The following NPNT variants were observed in gnomAD, a reference collection of about 807,000 sequenced individuals.
NPNT encodes preosteoblast EGF-like repeat protein with MAM domain.
In NPNT, 45 loss-of-function variants were observed where a neutral mutation model predicts 68.6. The observed-to-expected ratio is 0.66, with a 90% CI of 0.52 to 0.84. The LOEUF (loss-of-function observed/expected upper bound fraction) is 0.84. Among genes scored for constraint, NPNT ranks in the 40% least tolerant of loss-of-function variants. NPNT has a pLI of 0.00. For missense variants in NPNT, 672 were observed against 714.8 expected (o/e 0.94, Z 0.68); for synonymous variants, 233 against 253.3 (o/e 0.92, Z 0.76).
chr4:105,944,811 A>G (rs550728363), intron 8 of NPNT, among the ~76,000 whole-genome samples: 17 of 152,340 alleles, frequency 1.1e-4, no homozygotes, highest in African/African-American at 4.1e-4. Flanking sequence ...AATGCTTTAG[A>G]TGCTTTTTGA....
chr4:105,914,404 ATATAT>A (rs1560896907), intron 2 of NPNT, among the ~76,000 whole-genome samples: 1 of 138,186 alleles, frequency 7.2e-6, no homozygotes, highest in African/African-American at 2.7e-5. Context: ...ATAATATAAT[ATATAT>A]TATATATTAT....
At chr4:105,901,981 G>A (rs528725707) in intron 2 of NPNT, among the ~76,000 whole-genome samples, 2 of 152,068 alleles carry the variant, frequency 1.3e-5, no homozygotes, top group Non-Finnish European at 2.9e-5. Context: ...AAATGAAAAG[G>A]CTATTAGTTT....
At position 105,912,007 on chromosome 4, in the gene NPNT, A is replaced by G. The variant is rs1192125004; in HGVS notation, c.172+14006A>G. The stretch of plus-strand genomic sequence containing the variant: ...TTGTTATGAAATGTTTTTTTATAAC[A>G]AAATGGTGACTAAAATATTACTATT... On this transcript the variant is annotated intron_variant, in intron 2 of 11. Coordinates refer to ENST00000379987, the MANE Select transcript of NPNT (RefSeq NM_001033047.3). 25 of 568,372 alleles carry G rather than the reference A, an allele frequency of 4.4e-5. No individual in the cohort carries two copies. The Admixed American group carries it at 8.3e-4, about 19-fold the overall frequency. The allele number at this position is 568,372 out of a possible 1,614,324, so 35.2% of individuals were successfully genotyped here. A position where few individuals can be genotyped will look rare whatever the true frequency, so the allele number is the denominator to read the frequency against.
intron 2 of NPNT, among the ~76,000 whole-genome samples, chr4:105,901,151 G>A (rs762556637): frequency 2.0e-5 from 3 of 152,056 alleles, no homozygotes; most frequent in Non-Finnish European, 4.4e-5. Flanking sequence ...ACCAAGTGGA[G>A]ACCTCTGTAA....
rs1258802703 is a variant in NPNT, at chr4:105,970,693, T to C, written c.*1703T>C. 1 of 493,096 alleles carries C rather than the reference T, an allele frequency of 2.0e-6. No homozygotes were observed. Among genetic ancestry groups the C allele is most frequent in the Non-Finnish European group, 3.7e-6 (1 of 267,664 alleles). 30.5% of individuals were successfully genotyped at this position (493,096 alleles called of 1,614,324 possible). On this transcript the variant is annotated 3_prime_UTR_variant, in exon 12 of 12. Transcript: ENST00000379987. ...CTCTCTCTCTTTCTAAAAAATTAGA[T>C]AAAAATTTGTCTATTTAAGATGGTT...
intron 2 of NPNT, among the ~76,000 whole-genome samples, chr4:105,901,625 A>G (rs1726424616): frequency 6.6e-6 from 1 of 152,176 alleles, no homozygotes; most frequent in Admixed American, 6.5e-5. Flanking sequence ...GTGAATTAGG[A>G]TGGTTTTGTA....
chr4:105,914,711 G>A (rs998806685), intron 2 of NPNT, among the ~76,000 whole-genome samples: 1 of 151,828 alleles, frequency 6.6e-6, no homozygotes, highest in African/African-American at 2.4e-5. Context: ...ATGGAGTGGT[G>A]ATGGCCCAGC....
chr4:105,963,147 C>A (rs902340432), intron 10 of NPNT, among the ~76,000 whole-genome samples: 1 of 152,088 alleles, frequency 6.6e-6, no homozygotes, highest in Non-Finnish European at 1.5e-5. Flanking sequence ...ATCGCTTGAG[C>A]CTGGGAGGCA....
chr4:105,929,724 A>G (rs1578627698), intron 3 of NPNT: 1 of 152,014 alleles, frequency 6.6e-6, no homozygotes, highest in Non-Finnish European at 1.5e-5. Context: ...TAAAATATAA[A>G]GAAGACGATT....
chr4:105,970,514 G>A lies in NPNT; in HGVS notation c.*1524G>A. The A allele has an allele frequency of 1.5e-6, 1 of 687,634 alleles. No individual in the cohort carries two copies. Among genetic ancestry groups the A allele is most frequent in the East Asian group, 2.7e-5 (1 of 36,596 alleles). The allele number at this position is 687,634 out of a possible 1,614,324, so 42.6% of individuals were successfully genotyped here. ...TTGATGGTTTTCAAGTATATGAAGG[G>A]TTGGCACAGAGAGGGTGGCGACCAG... On this transcript the variant is annotated 3_prime_UTR_variant, in exon 12 of 12. Coordinates refer to ENST00000379987, the MANE Select transcript of NPNT (RefSeq NM_001033047.3).
intron 2 of NPNT, among the ~76,000 whole-genome samples, chr4:105,922,589 G>T (rs1449366579): frequency 1.3e-5 from 2 of 151,754 alleles, no homozygotes; most frequent in African/African-American, 4.8e-5. Context: ...TGTTGGCCAG[G>T]CTGGTCACAA....
intron 2 of NPNT, among the ~76,000 whole-genome samples, chr4:105,918,228 G>A (rs1020193894): frequency 6.6e-6 from 1 of 152,132 alleles, no homozygotes; most frequent in African/African-American, 2.4e-5. Flanking sequence ...CATCATATTA[G>A]TCGAGGCCCA....
At chr4:105,936,872 A>G (rs1329178655) in intron 3 of NPNT, 137 bp from the exon 4 acceptor site, 5 of 817,062 alleles carry the variant, frequency 6.1e-6, no homozygotes, top group African/African-American at 1.8e-5. Context: ...AACAGGATCT[A>G]TCTCTTATGT....
In NPNT at chr4:105,937,320, C is replaced by T. The variant is rs188262525; in HGVS notation, c.385+192C>T. Among the ~76,000 whole-genome samples the T allele has an allele frequency of 4.9e-4, 74 of 151,862 alleles. 1 individual carries two copies. The highest frequency in any genetic ancestry group is 3.3e-3 in the East Asian group (17 of 5,184). On this transcript the variant is annotated intron_variant, in intron 4 of 11. Transcript: ENST00000379987. Reference sequence around the variant, plus strand: ...TTCGATGTATAATACTCTTCTATCACGGGTGCCAATATTAAATTGATTAGG... The same window carrying T: ...TTCGATGTATAATACTCTTCTATCATGGGTGCCAATATTAAATTGATTAGG...
intron 8 of NPNT, among the ~76,000 whole-genome samples, chr4:105,944,722 A>G (rs1018661663): frequency 6.6e-6 from 1 of 152,236 alleles, no homozygotes; most frequent in African/African-American, 2.4e-5. Flanking sequence ...TGCTGCCTTT[A>G]GAAACTCCTG....
intron 2 of NPNT, among the ~76,000 whole-genome samples, chr4:105,915,378 G>A (rs1375586946): frequency 6.6e-6 from 1 of 152,142 alleles, no homozygotes; most frequent in Non-Finnish European, 1.5e-5. Flanking sequence ...TAGGGCAGTG[G>A]CGGGGGGGCA....
At chr4:105,946,853 A>G (rs1730428644) in intron 8 of NPNT, among the ~76,000 whole-genome samples, 1 of 152,190 alleles carries the variant, frequency 6.6e-6, no homozygotes, top group Non-Finnish European at 1.5e-5. Context: ...CTTGATAAAC[A>G]TCTTAAACAA....
At position 105,900,324 on chromosome 4, in the gene NPNT, G is replaced by A. The variant is rs74387486; in HGVS notation, c.172+2323G>A. ...GATCTTCCCAACTTATCCCATAGAA[G>A]GTGTGTTTGTAGGTAGGGAAAGGTG... is the stretch of plus-strand genomic sequence containing the variant. On this transcript the variant is annotated intron_variant, in intron 2 of 11. Transcript: ENST00000379987. Among the ~76,000 whole-genome samples, 685 of 152,246 alleles carry A rather than the reference G, an allele frequency of 4.5e-3. 3 individuals are homozygous for A. Among genetic ancestry groups the A allele is most frequent in the African/African-American group, 0.015 (628 of 41,548 alleles).
chr4:105,960,279 T>C (rs73836926), intron 10 of NPNT, among the ~76,000 whole-genome samples: 17,776 of 152,256 alleles, frequency 0.12, 1,594 homozygotes, highest in African/African-American at 0.25. Context: ...AATACCATAC[T>C]GGATAAGAGC....
Sources: gnomAD v4.1 joint callset for allele counts (sites outside exome capture counted in the v4.1 genomes callset) on GRCh38, gnomAD v4.1.1 for gene constraint, MANE v1.5 for transcripts, NCBI Gene and HGNC (gene_info 2026-07-23, HGNC 2026-07-21) for gene names.